SVEP1: variants seen among roughly 807,000 people sequenced by gnomAD.
The protein encoded by SVEP1 is sushi, von Willebrand factor type A, EGF and pentraxin domain-containing protein 1.
A neutral mutation model predicts 367.3 loss-of-function variants in SVEP1; 164 were observed. The ratio of observed to expected loss-of-function variants is 0.45; its 90% confidence interval spans 0.39 to 0.51. The LOEUF is 0.51. SVEP1 is among the 20% of genes least tolerant of loss of function. The pLI is 0.00. For synonymous variants in SVEP1, 1,666 were observed against 1,611.6 expected (o/e 1.03, Z -0.81); for missense variants, 4,117 against 4,425.3 (o/e 0.93, Z 1.98).
intron 43 of SVEP1, among the ~76,000 whole-genome samples, chr9:110,384,050 G>T (rs567266708): frequency 6.6e-6 from 1 of 152,316 alleles, no homozygotes; most frequent in East Asian, 1.9e-4. Flanking sequence ...GGCAGCCACA[G>T]TGACAGTGGC....
At position 110,415,421 on chromosome 9, in the gene SVEP1, C is replaced by T. The variant is rs568472057; in HGVS notation, c.5976-3686G>A. On this transcript the variant is annotated intron_variant, in intron 36 of 47. Transcript: ENST00000374469. ...ATTGTGTGCAGGGCAATGGTCTGTG[C>T]TAGGCAGCCCCAAGGGAGGAGACAG... is the stretch of plus-strand genomic sequence containing the variant. Among the ~76,000 whole-genome samples the T allele has an allele frequency of 7.9e-5, 12 of 152,082 alleles. No homozygotes were observed. The East Asian group carries it at 2.3e-3, about 29-fold the overall frequency.
chr9:110,489,900 A>G, intron 8 of SVEP1, 121 bp from the exon 9 acceptor site: 3 of 1,223,308 alleles, frequency 2.5e-6, no homozygotes, highest in South Asian at 2.0e-5. Flanking sequence ...GAAAGGAAAA[A>G]GGCACAGCTT....
At chr9:110,524,939 T>A (rs1208090697) in intron 3 of SVEP1, among the ~76,000 whole-genome samples, 1 of 152,094 alleles carries the variant, frequency 6.6e-6, no homozygotes, top group Non-Finnish European at 1.5e-5. Flanking sequence ...CTCAAACTCC[T>A]GGACTCTGGC....
chr9:110,557,324 A>G (rs1281265936), intron 1 of SVEP1, among the ~76,000 whole-genome samples: 1 of 152,044 alleles, frequency 6.6e-6, no homozygotes, highest in African/African-American at 2.4e-5. Context: ...TCCTTATTAC[A>G]ATATTTCTGT....
At chr9:110,568,601 A>C (rs1414786474) in intron 1 of SVEP1, among the ~76,000 whole-genome samples, 2 of 152,160 alleles carry the variant, frequency 1.3e-5, no homozygotes, top group Non-Finnish European at 2.9e-5. Flanking sequence ...ACAAGAAAGA[A>C]GGGAAAATGC....
rs765876213 is a variant in SVEP1, at chr9:110,369,898, G to A, written c.10694+25C>T. On this transcript the variant is annotated intron_variant, in intron 47 of 47. Coordinates refer to ENST00000374469, the MANE Select transcript of SVEP1 (RefSeq NM_153366.4). ...ATTTTAGAGTCTTCATGTTATAGGC[G>A]AACATTAGTTTTTGGTTATCTTACC... 4.1e-5 allele frequency: 66 copies of A among 1,592,292 alleles called. 1 individual carries two copies. The Middle Eastern group carries it at 5.0e-4, about 12-fold the overall frequency.
At chr9:110,397,573 A>C (rs1270927667) in intron 40 of SVEP1, among the ~76,000 whole-genome samples, 1 of 152,218 alleles carries the variant, frequency 6.6e-6, no homozygotes, top group Non-Finnish European at 1.5e-5. Context: ...TGCAGATGAC[A>C]TGATTGTATA....
At chr9:110,475,539 CT>C (rs59063882) in intron 14 of SVEP1, among the ~76,000 whole-genome samples, 29,609 of 144,226 alleles carry the variant, frequency 0.21, 3,631 homozygotes, top group East Asian at 0.72. Context: ...TTATTATTAT[CT>C]TTTTTTTTTT....
Position 110,408,652 on chromosome 9 carries a change from T to C in SVEP1, c.6948A>G (p.Pro2316=). The C allele has an allele frequency of 2.5e-6, 4 of 1,614,024 alleles. No individual in the cohort carries two copies. The highest frequency in any genetic ancestry group is 3.4e-6 in the Non-Finnish European group (4 of 1,179,898). Residue 2316 remains proline, a synonymous_variant, in exon 38 of 48, where the codon CCA becomes CCG. Transcript: ENST00000374469. ...KSGKWNKKSN[P]KCMPAKCPEP... The stretch of plus-strand genomic sequence containing the variant: ...CTGGGCACTTGGCAGGCATGCACTT[T>C]GGATTTGACTTCTTATTCCATTTGC...
intron 1 of SVEP1, among the ~76,000 whole-genome samples, chr9:110,575,709 A>G (rs17885010): frequency 0.31 from 47,601 of 152,040 alleles, 8,835 homozygotes; most frequent in East Asian, 0.57. Context: ...GCGCTGAGAA[A>G]AAATATTTGC....
intron 40 of SVEP1, among the ~76,000 whole-genome samples, chr9:110,398,834 G>A (rs1380443754): frequency 6.6e-6 from 1 of 152,164 alleles, no homozygotes; most frequent in African/African-American, 2.4e-5. Flanking sequence ...TCATTAAAAA[G>A]TCAGGAAACA....
chr9:110,503,069 G>T lies in SVEP1; in HGVS notation c.1452C>A (p.Ser484Arg). The change falls in exon 6 of 48, where the codon AGC (serine) becomes AGA (arginine). Residue 484 changes from serine (S) to arginine (R), a missense_variant. By Grantham distance (110) the Ser-to-Arg change is moderately radical (BLOSUM62 -1). This residue lies in a region of SVEP1 where 2,174 missense variants were observed against 2,494.3 expected (regional missense o/e 0.87). Coordinates refer to ENST00000374469, the MANE Select transcript of SVEP1 (RefSeq NM_153366.4). Reference protein sequence around the residue: ...GSDKLTCQGNSQWDGPEPRCV... With the variant: ...GSDKLTCQGNRQWDGPEPRCV... ...ACCGGGGTTCTGGCCCATCCCACTGGCTGTTTCCTTGACAAGTAAGCTTAT... is the reference window on the plus strand; with the variant it reads ...ACCGGGGTTCTGGCCCATCCCACTGTCTGTTTCCTTGACAAGTAAGCTTAT... 1 of 1,607,798 alleles carries T rather than the reference G, an allele frequency of 6.2e-7. No individual in the cohort carries two copies. The highest frequency in any genetic ancestry group is 2.2e-5 in the East Asian group (1 of 44,880).
At chr9:110,448,148 T>TGTGTGCGC (rs959827995) in intron 24 of SVEP1, among the ~76,000 whole-genome samples, 1 of 69,438 alleles carries the variant, frequency 1.4e-5, no homozygotes, top group African/African-American at 4.1e-5. Context: ...TGTGTGTGTG[T>TGTGTGCGC]GCGCGTGTGT....
intron 6 of SVEP1, among the ~76,000 whole-genome samples, chr9:110,502,626 G>A (rs988591154): frequency 2.0e-5 from 3 of 151,708 alleles, no homozygotes; most frequent in African/African-American, 4.8e-5. Flanking sequence ...ATTTGTTCTT[G>A]TTTAATAATA....
rs1389633978 is a variant in SVEP1, at chr9:110,400,944, A to C, written c.9732T>G (p.Pro3244=). The change falls in exon 40 of 48, where the codon CCT becomes CCG. Residue 3244 remains proline, a synonymous_variant. Coordinates refer to ENST00000374469, the MANE Select transcript of SVEP1 (RefSeq NM_153366.4). The stretch of plus-strand genomic sequence containing the variant: ...CCACAAATCCATGTTCTGGACTTTC[A>C]GGTTTCCCACAAGAAACTGGACTGC... ...ESCSPVSCGK[P]ESPEHGFVVG... 3.7e-6 allele frequency: 6 copies of C among 1,613,938 alleles called. No individual in the cohort carries two copies. The highest frequency in any genetic ancestry group is 3.4e-6 in the Non-Finnish European group (4 of 1,179,836).
At chr9:110,550,228 C>A in intron 1 of SVEP1, 124 bp from the exon 2 acceptor site, 1 of 1,301,734 alleles carries the variant, frequency 7.7e-7, no homozygotes, top group Non-Finnish European at 1.1e-6. Flanking sequence ...GGATGGAAGC[C>A]CTAGTCAGAG....
intron 3 of SVEP1, among the ~76,000 whole-genome samples, chr9:110,537,974 GAAGAA>G: frequency 6.6e-6 from 1 of 151,968 alleles, no homozygotes; most frequent in South Asian, 2.1e-4. Flanking sequence ...CTAGGGAAAG[GAAGAA>G]GAGAAAGATA....
chr9:110,545,190 C>T (rs1033660006), intron 3 of SVEP1, among the ~76,000 whole-genome samples: 1 of 152,098 alleles, frequency 6.6e-6, no homozygotes, highest in African/African-American at 2.4e-5. Context: ...AGGTTGATTC[C>T]ATATCTTGGC....
intron 36 of SVEP1, among the ~76,000 whole-genome samples, chr9:110,415,083 G>T (rs1244424600): frequency 6.6e-6 from 1 of 151,978 alleles, no homozygotes; most frequent in Non-Finnish European, 1.5e-5. Context: ...TACGTTTGAG[G>T]GTTTTGATAA....
Sources: gnomAD v4.1 joint callset for allele counts (sites outside exome capture counted in the v4.1 genomes callset) on GRCh38, gnomAD v4.1.1 for gene constraint, gnomAD v4.1.1 regional missense constraint, MANE v1.5 for transcripts, NCBI Gene and HGNC (gene_info 2026-07-23, HGNC 2026-07-21) for gene names.